PLEKHM2: variants seen among roughly 807,000 people sequenced by gnomAD.
PLEKHM2 encodes the protein pleckstrin homology domain-containing family M member 2.
Under a neutral mutation model 116.3 loss-of-function variants are expected in PLEKHM2, and 77 were observed. The ratio of observed to expected loss-of-function variants is 0.66; its 90% confidence interval spans 0.55 to 0.80. PLEKHM2 has a LOEUF of 0.80. Ranked by LOEUF, PLEKHM2 falls within the 30% of genes least tolerant of loss-of-function variation. PLEKHM2 has a pLI of 0.00. For synonymous variants in PLEKHM2, 562 were observed against 571.0 expected, an observed-to-expected ratio of 0.98 and a Z score of 0.22; for missense variants, 1,183 against 1,354.9, an observed-to-expected ratio of 0.87 and a Z score of 1.99.
intron 1 of PLEKHM2, among the ~76,000 whole-genome samples, chr1:15,686,118 C>A (rs911572971): frequency 6.6e-6 from 1 of 152,192 alleles, no homozygotes; most frequent in East Asian, 1.9e-4. Flanking sequence ...AAGCATGAGT[C>A]TTTTGAAGGC....
Position 15,716,776 on chromosome 1 carries a change from G to C in PLEKHM2, c.237G>C (p.Gln79His). Residue 79 changes from glutamine to histidine, a missense_variant, in exon 3 of 20, where the codon CAG becomes CAC. This residue lies in a region of PLEKHM2 where 217 missense variants were observed against 277.6 expected (regional missense o/e 0.78). Transcript: ENST00000375799. ...VHFTRREAIK[Q>H]IEVLQHVATN... ...TTACTCGGAGAGAGGCCATCAAGCA[G>C]ATCGAGGTGCTGCAGCACGTGGCCA... The C allele has an allele frequency of 6.3e-7, 1 of 1,576,050 alleles. No homozygotes were observed. The highest frequency in any genetic ancestry group is 8.6e-7 in the Non-Finnish European group (1 of 1,160,784).
chr1:15,719,608 T>C lies in PLEKHM2; in HGVS notation c.466-126T>C. 1.6e-6 allele frequency: 1 copy of C among 621,444 alleles called. No individual in the cohort carries two copies. 38.5% of individuals were successfully genotyped at this position (621,444 alleles called of 1,614,324 possible). ...CTTCTTAGCAGCTTTTCTTTGAATT[T>C]ACTACCTTAAGCCATTGATTTCCCA... On this transcript the variant is annotated intron_variant, in intron 5 of 19. Coordinates refer to ENST00000375799, the MANE Select transcript of PLEKHM2 (RefSeq NM_015164.4). This position sits in a 1 kb window ranked among gnomAD's most constrained non-coding sequence, Gnocchi z 4.1.
At chr1:15,686,901 C>CA (rs1640783692) in intron 1 of PLEKHM2, among the ~76,000 whole-genome samples, 2 of 152,046 alleles carry the variant, frequency 1.3e-5, no homozygotes, top group Non-Finnish European at 2.9e-5. Flanking sequence ...CTGCCCGCTT[C>CA]GGCCTCCCAA....
chr1:15,730,447 G>GAAAA, intron 14 of PLEKHM2, 85 bp from the exon 15 acceptor site: 1 of 1,005,772 alleles, frequency 9.9e-7, no homozygotes, highest in Non-Finnish European at 1.4e-6. Context: ...ATCTCAAAAA[G>GAAAA]AAAAAAAAAG....
rs1011203233 is a variant in PLEKHM2 at position 15,728,460 on chromosome 1, A to G, written c.1921+103A>G. On this transcript the variant is annotated intron_variant, in intron 11 of 19. Coordinates refer to ENST00000375799, the MANE Select transcript of PLEKHM2 (RefSeq NM_015164.4). The surrounding 1 kb of genome is among the most constrained non-coding windows in gnomAD (Gnocchi z 5.9). ...TCTGAGTGCCTCCCGGCTGCCTGGC[A>G]TGCAGTGATGGAAAGGCACCCCAAG... The G allele has an allele frequency of 4.4e-6, 5 of 1,138,622 alleles. No individual in the cohort carries two copies. The highest frequency in any genetic ancestry group is 6.3e-6 in the Non-Finnish European group (5 of 790,980). 70.5% of individuals were successfully genotyped at this position (1,138,622 alleles called of 1,614,324 possible). A position where few individuals can be genotyped will look rare whatever the true frequency, so the allele number is the denominator to read the frequency against.
In PLEKHM2 at chr1:15,727,186, C is replaced by G; in HGVS notation, c.1114C>G (p.Pro372Ala). The change falls in exon 9 of 20, where the codon CCC becomes GCC. Residue 372 changes from proline (P) to alanine (A), a missense_variant. Physicochemically the swap from Pro to Ala is conservative, Grantham distance 27. Coordinates refer to ENST00000375799, the MANE Select transcript of PLEKHM2 (RefSeq NM_015164.4). This position sits in a 1 kb window ranked among gnomAD's most constrained non-coding sequence, Gnocchi z 7.5. ...RDSPDTMLASPQEEGEGPSST... is the reference protein window; with the variant it reads ...RDSPDTMLASAQEEGEGPSST... ...CTCGCCAGACACTATGCTTGCCTCC[C>G]CCCAGGAGGAGGGAGAGGGGCCGAG... 6.2e-7 allele frequency: 1 copy of G among 1,605,790 alleles called. No individual in the cohort carries two copies. Among genetic ancestry groups the G allele is most frequent in the Non-Finnish European group, 8.5e-7 (1 of 1,176,450 alleles).
In PLEKHM2 at chr1:15,719,640, C is replaced by T; in HGVS notation, c.466-94C>T. 1.3e-6 allele frequency: 1 copy of T among 768,256 alleles called. No homozygotes were observed. The highest frequency in any genetic ancestry group is 2.2e-6 in the Non-Finnish European group (1 of 455,420). The allele number at this position is 768,256 out of a possible 1,614,324, so 47.6% of individuals were successfully genotyped here. On this transcript the variant is annotated intron_variant, in intron 5 of 19. Transcript: ENST00000375799. This position sits in a 1 kb window ranked among gnomAD's most constrained non-coding sequence, Gnocchi z 4.1. ...TTAAGCCATTGATTTCCCAAAGAGG[C>T]ACATCTGTGTCTCCCAGGCCTGGAT...
intron 1 of PLEKHM2, among the ~76,000 whole-genome samples, chr1:15,711,936 T>G (rs1641340592): frequency 6.6e-6 from 1 of 151,676 alleles, no homozygotes; most frequent in Non-Finnish European, 1.5e-5. Context: ...CTGACCAACA[T>G]GGAGAAACCC....
intron 1 of PLEKHM2, among the ~76,000 whole-genome samples, chr1:15,701,642 T>A (rs1478463746): frequency 6.6e-6 from 1 of 151,276 alleles, no homozygotes; most frequent in Non-Finnish European, 1.5e-5. Context: ...ACAAAAAAAA[T>A]TAGCTGGACG....
intron 1 of PLEKHM2, among the ~76,000 whole-genome samples, chr1:15,709,759 A>G (rs539491922): frequency 6.0e-5 from 9 of 150,496 alleles, no homozygotes; most frequent in Middle Eastern, 3.4e-3. Context: ...ATGTGTAGAT[A>G]TGCAAGCCAC....
chr1:15,710,038 C>T lies in PLEKHM2; in HGVS notation c.61-6199C>T, dbSNP rs1381359994. On this transcript the variant is annotated intron_variant, in intron 1 of 19. Coordinates refer to ENST00000375799, the MANE Select transcript of PLEKHM2 (RefSeq NM_015164.4). Reference sequence around the variant, plus strand: ...AGGATATCGAGACCATCCTGGCTAACGTGGTGAAACCCCATCTCCACTAAA... The same window carrying T: ...AGGATATCGAGACCATCCTGGCTAATGTGGTGAAACCCCATCTCCACTAAA... Among the ~76,000 whole-genome samples the T allele has an allele frequency of 4.0e-5, 6 of 151,728 alleles. 1 individual carries two copies. Among genetic ancestry groups the T allele is most frequent in the Admixed American group, 1.3e-4 (2 of 15,222 alleles).
rs1020233873 is a variant in PLEKHM2 at position 15,728,296 on chromosome 1, G to A, written c.1860G>A (p.Glu620=). ...KMIRMSTGHM[E]GNLQLLYVLL... ...TCCGGATGAGCACCGGGCACATGGA[G>A]GGCAACCTGCAGCTGCTGTACGTGC... Residue 620 remains glutamate, a synonymous_variant, in exon 11 of 20, where the codon GAG becomes GAA. Coordinates refer to ENST00000375799, the MANE Select transcript of PLEKHM2 (RefSeq NM_015164.4). The surrounding 1 kb of genome is among the most constrained non-coding windows in gnomAD (Gnocchi z 5.9). 1.9e-6 allele frequency: 3 copies of A among 1,613,262 alleles called. No homozygotes were observed. In the Admixed American group the frequency reaches 5.0e-5, roughly 27 times the overall value.
intron 1 of PLEKHM2, among the ~76,000 whole-genome samples, chr1:15,692,465 C>T (rs1398174040): frequency 6.6e-6 from 1 of 152,192 alleles, no homozygotes; most frequent in African/African-American, 2.4e-5. Flanking sequence ...GGGGAGGGAC[C>T]TGAAGGTCCC....
At chr1:15,699,492 T>G (rs1641067872) in intron 1 of PLEKHM2, among the ~76,000 whole-genome samples, 1 of 152,204 alleles carries the variant, frequency 6.6e-6, no homozygotes, top group South Asian at 2.1e-4. Context: ...GGTTTCCAGC[T>G]GCATCCATAT....
intron 19 of PLEKHM2, among the ~76,000 whole-genome samples, chr1:15,733,385 A>C (rs2068174898): frequency 6.6e-6 from 1 of 152,242 alleles, no homozygotes; most frequent in Non-Finnish European, 1.5e-5. Context: ...CTTGCCCTCC[A>C]GGCTGAGTGC....
chr1:15,718,457 A>G (rs561631033), intron 4 of PLEKHM2, 81 bp from the exon 5 acceptor site: 18 of 835,442 alleles, frequency 2.2e-5, no homozygotes, highest in Admixed American at 8.1e-5. Context: ...TCAGATTTCA[A>G]CACAGCTGGT....
chr1:15,708,279 C>G (rs181224532), intron 1 of PLEKHM2, among the ~76,000 whole-genome samples: 1 of 151,290 alleles, frequency 6.6e-6, no homozygotes, highest in East Asian at 2.0e-4. Context: ...TGCAGTGGCA[C>G]GATCTCAGCT....
At chr1:15,701,410 GCAA>G (rs1641109248) in intron 1 of PLEKHM2, among the ~76,000 whole-genome samples, 1 of 151,538 alleles carries the variant, frequency 6.6e-6, no homozygotes, top group African/African-American at 2.4e-5. Flanking sequence ...TCCAGCCTGG[GCAA>G]CAAGAGCACA....
chr1:15,702,760 G>C (rs779820811), intron 1 of PLEKHM2, among the ~76,000 whole-genome samples: 5 of 117,100 alleles, frequency 4.3e-5, no homozygotes, highest in Middle Eastern at 7.6e-3. Context: ...TCACTCTGTT[G>C]CCCAGGCTGG....
Sources: allele counts gnomAD v4.1 joint callset (sites outside exome capture counted in the v4.1 genomes callset), GRCh38; gene constraint gnomAD v4.1.1; regional missense constraint gnomAD v4.1.1; non-coding constraint Gnocchi (gnomAD v3.1); transcripts MANE v1.5; gene names NCBI Gene and HGNC (gene_info 2026-07-23, HGNC 2026-07-21).